The following PTGER3 variants were observed in gnomAD, a reference collection of about 807,000 sequenced individuals.
PTGER3 encodes prostaglandin E2 receptor EP3 subtype.
Under a neutral mutation model 34.7 loss-of-function variants are expected in PTGER3, and 22 were observed. The ratio of observed to expected loss-of-function variants is 0.63; its 90% CI spans 0.45 to 0.91. The LOEUF (loss-of-function observed/expected upper bound fraction) is 0.91, where lower values mean the gene tolerates loss of function less well. Among genes scored for constraint, PTGER3 ranks in the 40% least tolerant of loss-of-function variants. The probability of loss-of-function intolerance (pLI) is 0.00; values close to 1 mark genes in which losing one functional copy is unlikely to be tolerated. For missense variants in PTGER3, 468 were observed against 519.4 expected (o/e 0.90, Z 0.96); for synonymous variants, 241 against 230.1 (o/e 1.05, Z -0.43).
chr1:70,928,438 G>A (rs1460498429), intron 4 of PTGER3, among the ~76,000 whole-genome samples: 2 of 151,862 alleles, frequency 1.3e-5, no homozygotes, highest in Non-Finnish European at 2.9e-5. Context: ...TTTGAGACCA[G>A]CATGGGCAAT....
chr1:71,024,993 G>T (rs1240663310), intron 1 of PTGER3, among the ~76,000 whole-genome samples: 4 of 151,310 alleles, frequency 2.6e-5, no homozygotes, highest in Admixed American at 2.0e-4. Flanking sequence ...GTGCCATGTT[G>T]GTGTGCTGCA....
chr1:70,923,230 T>G (rs1489661224), intron 4 of PTGER3, among the ~76,000 whole-genome samples: 1 of 152,014 alleles, frequency 6.6e-6, no homozygotes, highest in Non-Finnish European at 1.5e-5. Flanking sequence ...TGGCTCTATT[T>G]GTATAAATGT....
At chr1:70,945,683 A>T (rs1331806384) in intron 4 of PTGER3, among the ~76,000 whole-genome samples, 47 of 152,122 alleles carry the variant, frequency 3.1e-4, no homozygotes, top group Non-Finnish European at 2.2e-4. Flanking sequence ...AACAGAGAAA[A>T]GCTGTTTTTA....
At chr1:71,000,054 A>G (rs1016525969) in intron 2 of PTGER3, among the ~76,000 whole-genome samples, 8 of 152,202 alleles carry the variant, frequency 5.3e-5, no homozygotes, top group Non-Finnish European at 8.8e-5. Context: ...CTGCTCCCCA[A>G]AATTATTTCT....
chr1:70,917,611 AT>A lies in PTGER3; in HGVS notation c.*23+36151del, dbSNP rs965450404. On this transcript the variant is annotated intron_variant, in intron 4 of 4. Transcript: ENST00000370931. ...TGGATTATATGATAGATCTATTTTT[AT>A]TTTTTTTGAGGAACCCCCAAATTGT... is the stretch of plus-strand genomic sequence containing the variant. 5.9e-5 allele frequency among the ~76,000 whole-genome samples: 9 copies of A among 151,498 alleles called. No individual in the cohort carries two copies. In the Middle Eastern group the frequency reaches 0.01, roughly 172 times the overall value.
intron 1 of PTGER3, among the ~76,000 whole-genome samples, chr1:71,023,569 C>T (rs2284362): frequency 0.39 from 59,469 of 151,730 alleles, 12,389 homozygotes; most frequent in East Asian, 0.67. Context: ...TGCTATTGCA[C>T]GGCTTTGTTT....
intron 3 of PTGER3, chr1:70,953,106 CAA>C: frequency 6.9e-7 from 1 of 1,454,740 alleles, no homozygotes; most frequent in Non-Finnish European, 9.2e-7. Flanking sequence ...TAAAAAATAA[CAA>C]TATGAAAATA....
intron 1 of PTGER3, among the ~76,000 whole-genome samples, chr1:71,015,306 G>A (rs1355373868): frequency 1.3e-5 from 2 of 152,046 alleles, no homozygotes; most frequent in Admixed American, 1.3e-4. Flanking sequence ...TGGACGTATG[G>A]GGGAAGAAAA....
At chr1:70,921,041 C>A (rs1177955955) in intron 4 of PTGER3, among the ~76,000 whole-genome samples, 1 of 152,182 alleles carries the variant, frequency 6.6e-6, no homozygotes, top group Non-Finnish European at 1.5e-5. Context: ...TACTTGTTCA[C>A]ACATATCATC....
intron 1 of PTGER3, among the ~76,000 whole-genome samples, chr1:71,019,225 G>T (rs1658183792): frequency 6.6e-6 from 1 of 152,150 alleles, no homozygotes; most frequent in African/African-American, 2.4e-5. Flanking sequence ...AAGGGAGAGG[G>T]ACCAAAGAAA....
intron 4 of PTGER3, among the ~76,000 whole-genome samples, chr1:70,925,618 CA>C (rs759863115): frequency 3.9e-5 from 6 of 151,952 alleles, no homozygotes; most frequent in Non-Finnish European, 7.4e-5. Flanking sequence ...CAGCTTCATG[CA>C]AAAATAAGAG....
chr1:70,992,911 A>G (rs1171593631), intron 2 of PTGER3, among the ~76,000 whole-genome samples: 1 of 152,226 alleles, frequency 6.6e-6, no homozygotes, highest in Non-Finnish European at 1.5e-5. Context: ...TAGCAACAGT[A>G]TAACTAAGAC....
chr1:71,009,180 C>A, intron 2 of PTGER3: 5 of 985,030 alleles, frequency 5.1e-6, no homozygotes, highest in Non-Finnish European at 6.0e-6. Flanking sequence ...ACAGAGTGAC[C>A]CCCTTATTAA....
At chr1:70,904,452 G>A (rs572055087) in intron 4 of PTGER3, among the ~76,000 whole-genome samples, 1 of 152,336 alleles carries the variant, frequency 6.6e-6, no homozygotes, top group Non-Finnish European at 1.5e-5. Context: ...GAACTTCCTA[G>A]AGACTTGTTA....
intron 2 of PTGER3, chr1:71,006,533 G>C (rs1216291094): frequency 1.0e-6 from 1 of 983,940 alleles, no homozygotes; most frequent in Non-Finnish European, 1.2e-6. Flanking sequence ...CACAAGAAAG[G>C]GAAATAACTA....
At chr1:71,016,922 C>T (rs78191811) in intron 1 of PTGER3, among the ~76,000 whole-genome samples, 13,973 of 151,872 alleles carry the variant, frequency 0.092, 798 homozygotes, top group African/African-American at 0.15. Context: ...AATTATACAC[C>T]GAATTTACTT....
At chr1:70,883,595 C>T (rs1359808189) in intron 4 of PTGER3, among the ~76,000 whole-genome samples, 1 of 152,164 alleles carries the variant, frequency 6.6e-6, no homozygotes, top group Non-Finnish European at 1.5e-5. Flanking sequence ...AGCAATTACT[C>T]ACCCATTTTA....
At chr1:70,894,552 A>AT (rs1176303185) in intron 4 of PTGER3, among the ~76,000 whole-genome samples, 13 of 151,818 alleles carry the variant, frequency 8.6e-5, no homozygotes, top group South Asian at 2.1e-4. Context: ...AGGCAAACTC[A>AT]TTTTTTTTCC....
At chr1:70,940,136 A>G (rs1649619213) in intron 4 of PTGER3, among the ~76,000 whole-genome samples, 1 of 152,204 alleles carries the variant, frequency 6.6e-6, no homozygotes, top group Admixed American at 6.5e-5. Flanking sequence ...AAGTTTCACA[A>G]ATCCCTAGGG....
Sources: allele counts gnomAD v4.1 joint callset (sites outside exome capture counted in the v4.1 genomes callset), GRCh38; gene constraint gnomAD v4.1.1; transcripts MANE v1.5; gene names NCBI Gene and HGNC (gene_info 2026-07-23, HGNC 2026-07-21).